The following NAA25 variants were observed in gnomAD, a reference collection of about 807,000 sequenced individuals.
NAA25 encodes N-terminal acetyltransferase B complex subunit NAA25.
In NAA25, 30 loss-of-function variants were observed where a neutral mutation model predicts 132.5. The observed-to-expected ratio is 0.23, with a 90% CI of 0.17 to 0.31. The LOEUF (loss-of-function observed/expected upper bound fraction) is 0.31. Ranked by LOEUF, NAA25 falls within the 10% of genes least tolerant of loss-of-function variation. NAA25 has a pLI of 1.00. For missense variants in NAA25, 771 were observed against 1,150.4 expected (o/e 0.67, Z 4.77); for synonymous variants, 359 against 401.9 (o/e 0.89, Z 1.28).
At chr12:112,045,250 G>A (rs971515693) in intron 17 of NAA25, among the ~76,000 whole-genome samples, 1 of 152,072 alleles carries the variant, frequency 6.6e-6, no homozygotes, top group African/African-American at 2.4e-5. Flanking sequence ...CCAGCACTTC[G>A]GGAGGCCGAG....
chr12:112,062,528 C>A (rs2078649494), intron 11 of NAA25, among the ~76,000 whole-genome samples: 1 of 151,966 alleles, frequency 6.6e-6, no homozygotes, highest in African/African-American at 2.4e-5. Flanking sequence ...GGTTCGAGAC[C>A]TCCCTGGCCA....
chr12:112,068,187 G>A (rs147450636), intron 11 of NAA25, among the ~76,000 whole-genome samples: 3 of 152,216 alleles, frequency 2.0e-5, no homozygotes, highest in South Asian at 2.1e-4. Flanking sequence ...CTACAGGCAC[G>A]TGCCACCGTA....
intron 1 of NAA25, among the ~76,000 whole-genome samples, chr12:112,102,446 C>T (rs2079307500): frequency 6.6e-6 from 1 of 151,998 alleles, no homozygotes; most frequent in Non-Finnish European, 1.5e-5. Context: ...ACCCTCTAAT[C>T]TATGTATTCA....
At position 112,075,583 on chromosome 12, in the gene NAA25, C is replaced by T. The variant is rs1378542933; in HGVS notation, c.776+95G>A. The T allele has an allele frequency of 5.0e-6, 5 of 1,002,118 alleles. No homozygotes were observed. The African/African-American group carries it at 8.1e-5, about 16-fold the overall frequency. 62.1% of individuals were successfully genotyped at this position (1,002,118 alleles called of 1,614,324 possible). On this transcript the variant is annotated intron_variant, in intron 8 of 23. Transcript: ENST00000261745. ...ACAACTACTATAAGAAGACTTTATG[C>T]CCAGAAACTTCAAAACACAGACACC...
chr12:112,054,579 A>G lies in NAA25; in HGVS notation c.1448-11T>C, dbSNP rs2078516125. The G allele has an allele frequency of 6.2e-7, 1 of 1,611,154 alleles. No homozygotes were observed. Among genetic ancestry groups the G allele is most frequent in the Non-Finnish European group, 8.5e-7 (1 of 1,178,834 alleles). On this transcript the variant is annotated splice_polypyrimidine_tract_variant and intron_variant, in intron 13 of 23. Transcript: ENST00000261745. ...CAGTGGTCTCATCACCTAGAACCAA[A>G]ATACAGCATTATCCACTGATCTTGA...
Position 112,049,351 on chromosome 12 carries a change from T to C in NAA25, c.1729-908A>G. 3.1e-6 allele frequency: 2 copies of C among 643,370 alleles called. No homozygotes were observed. Among genetic ancestry groups the C allele is most frequent in the Non-Finnish European group, 3.9e-6 (2 of 517,508 alleles). The allele number at this position is 643,370 out of a possible 1,614,324, so 39.9% of individuals were successfully genotyped here. On this transcript the variant is annotated intron_variant, in intron 15 of 23. Coordinates refer to ENST00000261745, the MANE Select transcript of NAA25 (RefSeq NM_024953.4). The surrounding 1 kb of genome is among the most constrained non-coding windows in gnomAD (Gnocchi z 4.7). ...AACTATTATGCTCAAAGCTGATGTC[T>C]GCCCCCAAAAAAGATCCTTTCTAGA... is the stretch of plus-strand genomic sequence containing the variant.
chr12:112,078,537 T>G, intron 6 of NAA25, 97 bp downstream of exon 6: 1 of 1,146,494 alleles, frequency 8.7e-7, no homozygotes, highest in Non-Finnish European at 1.3e-6. Context: ...GACCCAGCTA[T>G]CAAACTGGAA....
chr12:112,049,780 C>T lies in NAA25; in HGVS notation c.1729-1337G>A, dbSNP rs1187871714. Among the ~76,000 whole-genome samples, 4 of 152,156 alleles carry T rather than the reference C, an allele frequency of 2.6e-5. No homozygotes were observed. The highest frequency in any genetic ancestry group is 9.7e-5 in the African/African-American group (4 of 41,428). The stretch of plus-strand genomic sequence containing the variant: ...GCCAGGATACTCTAAACACATATGC[C>T]TATCCTATGGCCCCTTGGCTTAGAA... On this transcript the variant is annotated intron_variant, in intron 15 of 23. Coordinates refer to ENST00000261745, the MANE Select transcript of NAA25 (RefSeq NM_024953.4). This position sits in a 1 kb window ranked among gnomAD's most constrained non-coding sequence, Gnocchi z 4.7.
chr12:112,030,636 G>A (rs1188074909), intron 23 of NAA25, among the ~76,000 whole-genome samples: 3 of 152,218 alleles, frequency 2.0e-5, no homozygotes, highest in East Asian at 3.8e-4. Flanking sequence ...GAGGTTGGCT[G>A]AAGACTGATT....
At position 112,062,726 on chromosome 12, in the gene NAA25, TA is replaced by T. The variant is rs756621929; in HGVS notation, c.1150-1339del. Among the ~76,000 whole-genome samples, 296 of 137,752 alleles carry T rather than the reference TA, an allele frequency of 2.1e-3. 1 individual carries two copies. Among genetic ancestry groups the T allele is most frequent in the South Asian group, 6.7e-3 (29 of 4,304 alleles). The allele number at this position is 137,752 out of a possible 152,430, so 90.4% of individuals were successfully genotyped here. A position where few individuals can be genotyped will look rare whatever the true frequency, so the allele number is the denominator to read the frequency against. On this transcript the variant is annotated intron_variant, in intron 11 of 23. Transcript: ENST00000261745. The stretch of plus-strand genomic sequence containing the variant: ...GGGCAACAAGAGTGAAACTCCGTAT[TA>T]AAAAAAAAAAAGAATAAATCCACAC...
intron 7 of NAA25, among the ~76,000 whole-genome samples, chr12:112,076,692 T>C (rs917068224): frequency 1.3e-5 from 2 of 151,290 alleles, no homozygotes; most frequent in African/African-American, 4.9e-5. Context: ...AGCTATAATG[T>C]AGTTTAAAAA....
At chr12:112,040,434 G>A (rs1328419335) in intron 21 of NAA25, 47 bp downstream of exon 21, 1 of 1,153,608 alleles carries the variant, frequency 8.7e-7, no homozygotes, top group Non-Finnish European at 1.3e-6. Context: ...GAATCCTGTA[G>A]ACCATTAAGA....
In NAA25 at chr12:112,043,148, A is replaced by C; in HGVS notation, c.2314T>G (p.Cys772Gly). 1 of 1,613,500 alleles carries C rather than the reference A, an allele frequency of 6.2e-7. No homozygotes were observed. The highest frequency in any genetic ancestry group is 8.5e-7 in the Non-Finnish European group (1 of 1,179,560). The change falls in exon 19 of 24, where the codon TGC becomes GGC. Residue 772 changes from cysteine to glycine, a missense_variant. Physicochemically the swap from Cys to Gly is radical, Grantham distance 159 (BLOSUM62 -3). Coordinates refer to ENST00000261745, the MANE Select transcript of NAA25 (RefSeq NM_024953.4). ...ACAAGATAAAAAGAGCTTATCTGGC[A>C]CTGAGAACAGCCAGAATTAAAGAAT... ...GGFFNSGCSQ[C>G]QISSFYLVND...
At chr12:112,070,535 T>C (rs768576376) in intron 10 of NAA25, among the ~76,000 whole-genome samples, 24 of 152,304 alleles carry the variant, frequency 1.6e-4, no homozygotes, top group Non-Finnish European at 2.9e-4. Flanking sequence ...TTGAAGTTGA[T>C]TTTGACTTTA....
intron 9 of NAA25, among the ~76,000 whole-genome samples, chr12:112,072,364 T>C (rs2136887966): frequency 6.6e-6 from 1 of 152,134 alleles, no homozygotes; most frequent in East Asian, 1.9e-4. Flanking sequence ...TCCCAGCACT[T>C]TGGAAGCCTG....
intron 20 of NAA25, among the ~76,000 whole-genome samples, chr12:112,041,544 A>C (rs2078301577): frequency 6.6e-6 from 1 of 152,074 alleles, no homozygotes; most frequent in South Asian, 2.1e-4. Context: ...AATTCTATTA[A>C]ATTATTGGGA....
At chr12:112,076,871 CT>C (rs2078901765) in intron 7 of NAA25, among the ~76,000 whole-genome samples, 1 of 151,928 alleles carries the variant, frequency 6.6e-6, no homozygotes, top group African/African-American at 2.4e-5. Context: ...TGGCATACGC[CT>C]GGAGTCCTAA....
chr12:112,062,223 C>T (rs911520031), intron 11 of NAA25, among the ~76,000 whole-genome samples: 1 of 151,876 alleles, frequency 6.6e-6, no homozygotes, highest in East Asian at 1.9e-4. Flanking sequence ...ATGCTGAAAC[C>T]CCATCTCTAC....
intron 14 of NAA25, among the ~76,000 whole-genome samples, chr12:112,053,971 CAG>C (rs2078507191): frequency 6.6e-6 from 1 of 151,954 alleles, no homozygotes; most frequent in Non-Finnish European, 1.5e-5. Flanking sequence ...GCACCACAAA[CAG>C]AGAAAATGCC....
Sources: gnomAD v4.1 joint callset for allele counts (sites outside exome capture counted in the v4.1 genomes callset) on GRCh38, gnomAD v4.1.1 for gene constraint, Gnocchi (gnomAD v3.1) non-coding constraint, MANE v1.5 for transcripts, NCBI Gene and HGNC (gene_info 2026-07-23, HGNC 2026-07-21) for gene names.